The following PDE1A variants were observed in gnomAD, a reference collection of about 807,000 sequenced individuals.
The protein encoded by PDE1A is dual specificity calcium/calmodulin-dependent 3',5'-cyclic nucleotide phosphodiesterase 1A.
Under a neutral mutation model 61.7 loss-of-function variants are expected in PDE1A, and 35 were observed. The ratio of observed to expected loss-of-function variants is 0.57; its 90% CI spans 0.43 to 0.75. PDE1A has a LOEUF of 0.75. Ranked by LOEUF, PDE1A falls within the 30% of genes least tolerant of loss-of-function variation. The pLI, the probability that PDE1A is intolerant of heterozygous loss-of-function variation, is 0.00. For missense variants in PDE1A, 597 were observed against 630.6 expected (o/e 0.95, Z 0.57); for synonymous variants, 232 against 213.2 (o/e 1.09, Z -0.77).
intron 7 of PDE1A, among the ~76,000 whole-genome samples, chr2:182,215,541 A>G (rs1195926589): frequency 6.6e-6 from 1 of 151,138 alleles, no homozygotes; most frequent in Non-Finnish European, 1.5e-5. Flanking sequence ...AGAAAAAAAG[A>G]GAGAAGAATC....
At chr2:182,569,591 A>T in the PDE1A span, among the ~76,000 whole-genome samples, 25 of 152,196 alleles carry the variant, frequency 1.6e-4, no homozygotes, top group Non-Finnish European at 3.1e-4. Flanking sequence ...ATGACACAAC[A>T]CTTTGTGCTT....
At chr2:182,676,028 A>G in the PDE1A span, among the ~76,000 whole-genome samples, 1 of 152,126 alleles carries the variant, frequency 6.6e-6, no homozygotes, top group Admixed American at 6.6e-5. Context: ...ATCTGTGCCC[A>G]TTACTATGTT....
chr2:182,603,010 C>T, the PDE1A span, among the ~76,000 whole-genome samples: 1 of 151,886 alleles, frequency 6.6e-6, no homozygotes, highest in Non-Finnish European at 1.5e-5. Context: ...TACATACATA[C>T]ATACATACAT....
the PDE1A span, among the ~76,000 whole-genome samples, chr2:182,588,577 T>C: frequency 1.3e-5 from 2 of 152,220 alleles, no homozygotes; most frequent in Non-Finnish European, 2.9e-5. Context: ...TTTCATATTA[T>C]CTGTCACCTC....
intron 1 of PDE1A, among the ~76,000 whole-genome samples, chr2:182,424,028 T>G (rs898278009): frequency 6.8e-5 from 10 of 147,396 alleles, no homozygotes; most frequent in African/African-American, 2.5e-4. Context: ...CACTGCGACC[T>G]CCGCCTCCAG....
chr2:182,140,590 TA>T (rs1690185023), exon 15 of PDE1A: 1 of 152,152 alleles, frequency 6.6e-6, no homozygotes, highest in Non-Finnish European at 1.5e-5. Context: ...AAAAATTAAA[TA>T]AAAGAGGTTT....
intron 12 of PDE1A, 113 bp downstream of exon 12, chr2:182,186,355 C>T: frequency 7.8e-7 from 1 of 1,281,814 alleles, no homozygotes; most frequent in South Asian, 1.3e-5. Flanking sequence ...GGCAATACTC[C>T]CTAATAATTC....
chr2:182,317,438 G>A (rs112945922), intron 1 of PDE1A, among the ~76,000 whole-genome samples: 2,408 of 152,072 alleles, frequency 0.016, 33 homozygotes, highest in South Asian at 0.067. Flanking sequence ...GCATGCCATG[G>A]CAAATTCTAA....
intron 2 of PDE1A, among the ~76,000 whole-genome samples, chr2:182,483,271 A>G (rs1454545669): frequency 6.6e-6 from 1 of 151,958 alleles, no homozygotes; most frequent in African/African-American, 2.4e-5. Flanking sequence ...TTTGATAGAA[A>G]AACTAGACAG....
At chr2:182,555,364 G>A in the PDE1A span, among the ~76,000 whole-genome samples, 3 of 152,192 alleles carry the variant, frequency 2.0e-5, no homozygotes, top group African/African-American at 7.2e-5. Flanking sequence ...GATTTCAGGA[G>A]CTACAATAAA....
At chr2:182,346,336 A>G in intron 1 of PDE1A, among the ~76,000 whole-genome samples, 1 of 152,210 alleles carries the variant, frequency 6.6e-6, no homozygotes. Context: ...TTAATGGAAC[A>G]CAAGGATAGA....
the PDE1A span, among the ~76,000 whole-genome samples, chr2:182,597,596 A>AT: frequency 1.3e-5 from 2 of 152,294 alleles, no homozygotes; most frequent in East Asian, 3.9e-4. Context: ...CGTTTCCACA[A>AT]TACCCACCTC....
the PDE1A span, among the ~76,000 whole-genome samples, chr2:182,569,518 G>T: frequency 1.8e-4 from 28 of 152,158 alleles, no homozygotes; most frequent in Non-Finnish European, 3.4e-4. Flanking sequence ...CAGTAGGATG[G>T]TAGAAGGAGA....
downstream of PDE1A, chr2:182,142,601 T>G (rs1364438830): frequency 2.0e-5 from 3 of 152,130 alleles, no homozygotes; most frequent in African/African-American, 7.2e-5. Context: ...CAAAAAAAAT[T>G]TTTCAATAAT....
intron 2 of PDE1A, among the ~76,000 whole-genome samples, chr2:182,251,013 G>T (rs1473259439): frequency 6.6e-6 from 1 of 152,178 alleles, no homozygotes; most frequent in African/African-American, 2.4e-5. Flanking sequence ...ATTAATGGGT[G>T]AGGCAGAAAA....
intron 1 of PDE1A, among the ~76,000 whole-genome samples, chr2:182,404,147 A>G (rs1264726062): frequency 1.3e-5 from 2 of 152,240 alleles, no homozygotes; most frequent in South Asian, 2.1e-4. Flanking sequence ...CTATGCTTCA[A>G]ATAGGCTGAA....
the PDE1A span, among the ~76,000 whole-genome samples, chr2:182,530,169 A>T: frequency 6.6e-6 from 1 of 152,224 alleles, no homozygotes; most frequent in Non-Finnish European, 1.5e-5. Flanking sequence ...AATTAGCCAG[A>T]AAGCAGACAA....
the PDE1A span, among the ~76,000 whole-genome samples, chr2:182,570,647 C>T: frequency 2.1e-4 from 32 of 152,206 alleles, 1 homozygote; most frequent in Non-Finnish European, 4.3e-4. Context: ...ATTTTAGAAA[C>T]GGTCAGTGTT....
At chr2:182,150,848 A>C (rs189910157) in intron 13 of PDE1A, among the ~76,000 whole-genome samples, 95 of 152,296 alleles carry the variant, frequency 6.2e-4, no homozygotes, top group African/African-American at 2.1e-3. Flanking sequence ...TGTTAGACTC[A>C]TGGTGCTGTG....
Sources: gnomAD v4.1 joint callset for allele counts (sites outside exome capture counted in the v4.1 genomes callset) on GRCh38, gnomAD v4.1.1 for gene constraint, MANE v1.5 for transcripts, NCBI Gene and HGNC (gene_info 2026-07-23, HGNC 2026-07-21) for gene names.